The following SH3PXD2A variants were observed in gnomAD, a reference collection of about 807,000 sequenced individuals.
The protein encoded by SH3PXD2A is SH3 and PX domain-containing protein 2A.
A neutral mutation model predicts 115.2 loss-of-function variants in SH3PXD2A; 32 were observed. That is an observed-to-expected ratio of 0.28 (90% CI 0.21 to 0.37). The LOEUF is 0.37. SH3PXD2A is among the 10% of genes least tolerant of loss of function. The probability of loss-of-function intolerance (pLI) is 1.00; values close to 1 mark genes in which losing one functional copy is unlikely to be tolerated. For missense variants in SH3PXD2A, 1,328 were observed against 1,498.7 expected, an observed-to-expected ratio of 0.89 and a Z score of 1.88; for synonymous variants, 610 against 629.1, an observed-to-expected ratio of 0.97 and a Z score of 0.45.
At position 103,666,609 on chromosome 10, in the gene SH3PXD2A, G is replaced by A. The variant is rs978427126; in HGVS notation, c.472+1999C>T. ...GTCCAAAGGTCTGAGGTCCAGTCCT[G>A]CTTTGCCCTTACTAGCTCTGAGATC... On this transcript the variant is annotated intron_variant, in intron 7 of 14. Transcript: ENST00000369774. This position sits in a 1 kb window ranked among gnomAD's most constrained non-coding sequence, Gnocchi z 4.5. Among the ~76,000 whole-genome samples, 5 of 152,232 alleles carry A rather than the reference G, an allele frequency of 3.3e-5. No homozygotes were observed. The highest frequency in any genetic ancestry group is 7.3e-5 in the Non-Finnish European group (5 of 68,048).
chr10:103,619,315 C>A (rs1373441496), intron 10 of SH3PXD2A, among the ~76,000 whole-genome samples: 1 of 152,174 alleles, frequency 6.6e-6, no homozygotes, highest in African/African-American at 2.4e-5. Flanking sequence ...TGAGGCATGG[C>A]AAATCCCAGC....
chr10:103,786,261 G>A (rs2038980358), intron 2 of SH3PXD2A, among the ~76,000 whole-genome samples: 1 of 152,138 alleles, frequency 6.6e-6, no homozygotes, highest in African/African-American at 2.4e-5. Context: ...ACGGCTTAGC[G>A]CATGGATTCC....
Position 103,728,534 on chromosome 10 carries a change from G to A in SH3PXD2A, c.307-4173C>T, listed in dbSNP as rs112536464. On this transcript the variant is annotated intron_variant, in intron 4 of 14. Coordinates refer to ENST00000369774, the MANE Select transcript of SH3PXD2A (RefSeq NM_001394015.1). Reference sequence around the variant, plus strand: ...TTCTTCCAAGATAAAATGGAATCCCGAAGTATGTCTCATGGAAGAACTCCC... The same window carrying A: ...TTCTTCCAAGATAAAATGGAATCCCAAAGTATGTCTCATGGAAGAACTCCC... 5.0e-3 allele frequency among the ~76,000 whole-genome samples: 761 copies of A among 152,254 alleles called. 11 individuals carry two copies. The highest frequency in any genetic ancestry group is 0.017 in the African/African-American group (708 of 41,544).
intron 5 of SH3PXD2A, among the ~76,000 whole-genome samples, chr10:103,707,260 G>A (rs1424621595): frequency 1.3e-5 from 2 of 151,422 alleles, no homozygotes; most frequent in Admixed American, 1.3e-4. Context: ...GCAGAGGTGC[G>A]ATCTTGGCTC....
At chr10:103,843,596 C>T (rs1303894827) in intron 1 of SH3PXD2A, among the ~76,000 whole-genome samples, 1 of 152,208 alleles carries the variant, frequency 6.6e-6, no homozygotes, top group African/African-American at 2.4e-5. Flanking sequence ...AGCTTGTTAT[C>T]ATATCTTAAC....
intron 8 of SH3PXD2A, among the ~76,000 whole-genome samples, chr10:103,656,306 C>G (rs142094306): frequency 6.6e-6 from 1 of 152,214 alleles, no homozygotes. Flanking sequence ...GCTGGACACC[C>G]GATCTAACGT....
chr10:103,600,217 T>A lies in SH3PXD2A; in HGVS notation c.*1599A>T, dbSNP rs2036195662. ...AAATCCACTCCCAGCGAAGGGGGAG[T>A]CCTTGGGGGAAGCCGGCTGGGCTTC... On this transcript the variant is annotated 3_prime_UTR_variant, in exon 15 of 15. Coordinates refer to ENST00000369774, the MANE Select transcript of SH3PXD2A (RefSeq NM_001394015.1). The A allele has an allele frequency of 2.0e-5, 3 of 152,164 alleles. No individual in the cohort carries two copies. In the South Asian group the frequency reaches 6.3e-4, roughly 32 times the overall value. 9.4% of individuals were successfully genotyped at this position (152,164 alleles called of 1,614,324 possible). A position where few individuals can be genotyped will look rare whatever the true frequency, so the allele number is the denominator to read the frequency against.
chr10:103,701,827 CATCT>C (rs1444341470), intron 5 of SH3PXD2A, among the ~76,000 whole-genome samples: 2 of 150,264 alleles, frequency 1.3e-5, no homozygotes, highest in Admixed American at 1.3e-4. Flanking sequence ...ATCTGTCCAT[CATCT>C]ATCTACCATC....
At chr10:103,769,184 G>A (rs1009762146) in intron 2 of SH3PXD2A, among the ~76,000 whole-genome samples, 53 of 142,386 alleles carry the variant, frequency 3.7e-4, no homozygotes, top group Admixed American at 2.1e-3. Context: ...GTGTGTGTGC[G>A]CGCGCGCGCG....
intron 2 of SH3PXD2A, among the ~76,000 whole-genome samples, chr10:103,793,269 T>G (rs142846402): frequency 6.6e-6 from 1 of 152,342 alleles, no homozygotes; most frequent in East Asian, 1.9e-4. Context: ...CCTTCTAGAT[T>G]AAAAAACATT....
chr10:103,624,471 CA>C (rs1323605441), intron 9 of SH3PXD2A, among the ~76,000 whole-genome samples: 1 of 152,156 alleles, frequency 6.6e-6, no homozygotes, highest in African/African-American at 2.4e-5. Context: ...CTGCGAATGT[CA>C]GGCTTGGACC....
rs78872598 is a variant in SH3PXD2A at position 103,615,306 on chromosome 10, T to C, written c.920+1891A>G. ...CTGCTTAGGGCCCCGAGTGCTGTATTTGTGTTCCTTCAGCACTACATGGGT... is the reference window on the plus strand; with the variant it reads ...CTGCTTAGGGCCCCGAGTGCTGTATCTGTGTTCCTTCAGCACTACATGGGT... On this transcript the variant is annotated intron_variant, in intron 11 of 14. Transcript: ENST00000369774. 7.6e-3 allele frequency among the ~76,000 whole-genome samples: 1,165 copies of C among 152,290 alleles called. 16 individuals carry two copies. Among genetic ancestry groups the C allele is most frequent in the African/African-American group, 0.026 (1,093 of 41,558 alleles).
At chr10:103,607,557 G>A (rs1365492610) in intron 13 of SH3PXD2A, among the ~76,000 whole-genome samples, 1 of 150,494 alleles carries the variant, frequency 6.6e-6, no homozygotes, top group African/African-American at 2.4e-5. Context: ...CCGGCCAGCC[G>A]CCCCGTCCGG....
chr10:103,785,296 A>G (rs1331701441), intron 2 of SH3PXD2A, among the ~76,000 whole-genome samples: 2 of 152,168 alleles, frequency 1.3e-5, no homozygotes, highest in Non-Finnish European at 2.9e-5. Context: ...AGGAACAGCT[A>G]GCATGGGGGT....
chr10:103,612,315 A>G (rs1305003394), intron 12 of SH3PXD2A, among the ~76,000 whole-genome samples: 1 of 152,092 alleles, frequency 6.6e-6, no homozygotes, highest in African/African-American at 2.4e-5. Flanking sequence ...TTAGCTCCCA[A>G]GTCTCTTAGG....
intron 3 of SH3PXD2A, among the ~76,000 whole-genome samples, chr10:103,758,006 C>G: frequency 6.6e-6 from 1 of 152,202 alleles, no homozygotes; most frequent in Non-Finnish European, 1.5e-5. Context: ...AGTCCTCTCC[C>G]GTTGCACGCC....
At chr10:103,648,948 G>A (rs2037078630) in intron 8 of SH3PXD2A, among the ~76,000 whole-genome samples, 1 of 152,204 alleles carries the variant, frequency 6.6e-6, no homozygotes, top group Admixed American at 6.5e-5. Flanking sequence ...GCATTTGGCT[G>A]CACAAAGCCC....
chr10:103,702,596 C>CGTGCGTGTGTGTGTGT (rs1554913268), intron 5 of SH3PXD2A, among the ~76,000 whole-genome samples: 1 of 147,448 alleles, frequency 6.8e-6, no homozygotes, highest in Admixed American at 6.8e-5. Context: ...TGTGTGTGTG[C>CGTGCGTGTGTGTGTGT]GTGTGTGTGT....
chr10:103,701,860 TTA>T (rs2037914749), intron 5 of SH3PXD2A, among the ~76,000 whole-genome samples: 1 of 126,518 alleles, frequency 7.9e-6, no homozygotes, highest in South Asian at 2.7e-4. Flanking sequence ...CACCATCCAT[TTA>T]CCATCTATCC....
Sources: gnomAD v4.1 joint callset for allele counts (sites outside exome capture counted in the v4.1 genomes callset) on GRCh38, gnomAD v4.1.1 for gene constraint, Gnocchi (gnomAD v3.1) non-coding constraint, MANE v1.5 for transcripts, NCBI Gene and HGNC (gene_info 2026-07-23, HGNC 2026-07-21) for gene names.